TRAPPC6A: variants seen among roughly 807,000 people sequenced by gnomAD.
TRAPPC6A encodes trafficking protein particle complex subunit 6A.
A neutral mutation model predicts 20.8 loss-of-function variants in TRAPPC6A; 25 were observed. The ratio of observed to expected loss-of-function variants is 1.20; its 90% CI spans 0.88 to 1.68. TRAPPC6A has a LOEUF of 1.68. Among genes scored for constraint, TRAPPC6A ranks in the 40% most tolerant of loss-of-function variants. The pLI is 0.00. For missense variants in TRAPPC6A, 215 were observed against 211.6 expected (o/e 1.02, Z -0.10); for synonymous variants, 96 against 93.3 (o/e 1.03, Z -0.16).
rs968800464 is a variant in TRAPPC6A, at chr19:45,164,759, G to A, written c.270+94C>T. The A allele has an allele frequency of 8.2e-5, 100 of 1,218,476 alleles. 1 individual carries two copies. The highest frequency in any genetic ancestry group is 2.9e-4 in the Admixed American group (17 of 58,732). The allele number at this position is 1,218,476 out of a possible 1,614,324, so 75.5% of individuals were successfully genotyped here. ...TGTGGGAAAGCTCTGGGCGGGTCCC[G>A]GCAGCCGCTGCTCTGGCGCCGGGGG... On this transcript the variant is annotated intron_variant, in intron 3 of 5. Transcript: ENST00000585934.
intron 1 of TRAPPC6A, among the ~76,000 whole-genome samples, chr19:45,169,132 C>G (rs1256303621): frequency 6.6e-6 from 1 of 152,154 alleles, no homozygotes; most frequent in Non-Finnish European, 1.5e-5. Context: ...GTGTGAGAGA[C>G]AGAGTGGGAA....
chr19:45,163,275 G>C lies in TRAPPC6A; in HGVS notation c.449-52C>G. On this transcript the variant is annotated intron_variant, in intron 5 of 5. Transcript: ENST00000585934. The surrounding 1 kb of genome is among the most constrained non-coding windows in gnomAD (Gnocchi z 5.3). ...TGAGGATGGGATGGGGGAGGCAGAG[G>C]GCACCTGGACGGCTCTTAGGCGCTC... 2 of 1,606,192 alleles carry C rather than the reference G, an allele frequency of 1.2e-6. No homozygotes were observed. The highest frequency in any genetic ancestry group is 1.7e-6 in the Non-Finnish European group (2 of 1,173,894).
Position 45,162,946 on chromosome 19 carries a change from G to C in TRAPPC6A, c.*246C>G. ...CTCTGAGTCAGATTCCACACACACAGCCTTTATTGAGCAGCTACTGGGCAG... is the reference window on the plus strand; with the variant it reads ...CTCTGAGTCAGATTCCACACACACACCCTTTATTGAGCAGCTACTGGGCAG... On this transcript the variant is annotated 3_prime_UTR_variant, in exon 6 of 6. Transcript: ENST00000585934. 2.5e-6 allele frequency: 1 copy of C among 406,044 alleles called. No homozygotes were observed. The highest frequency in any genetic ancestry group is 5.9e-5 in the South Asian group (1 of 17,090). The allele number at this position is 406,044 out of a possible 1,614,324, so 25.2% of individuals were successfully genotyped here.
intron 1 of TRAPPC6A, among the ~76,000 whole-genome samples, chr19:45,166,982 G>A (rs928903487): frequency 6.6e-6 from 1 of 152,098 alleles, no homozygotes; most frequent in African/African-American, 2.4e-5. Flanking sequence ...CCTCTCCTCT[G>A]CCCCCTGAGG....
intron 1 of TRAPPC6A, among the ~76,000 whole-genome samples, chr19:45,177,191 GCACACACACACACA>G (rs57127361): frequency 6.8e-6 from 1 of 147,890 alleles, no homozygotes; most frequent in Admixed American, 6.8e-5. Context: ...GCGCGTGCGC[GCACACACACACACA>G]CACACACACA....
rs193181591 is a variant in TRAPPC6A at position 45,163,023 on chromosome 19, C to T, written c.*169G>A. 1.1e-4 allele frequency: 79 copies of T among 687,926 alleles called. No homozygotes were observed. The African/African-American group carries it at 1.4e-3, about 12-fold the overall frequency. 42.6% of individuals were successfully genotyped at this position (687,926 alleles called of 1,614,324 possible). On this transcript the variant is annotated 3_prime_UTR_variant, in exon 6 of 6. Coordinates refer to ENST00000585934, the MANE Select transcript of TRAPPC6A (RefSeq NM_001270891.2). This position sits in a 1 kb window ranked among gnomAD's most constrained non-coding sequence, Gnocchi z 5.3. The stretch of plus-strand genomic sequence containing the variant: ...CACAGTCCTGACCGCAGCTGGGACC[C>T]CTTTGCCTCCTCTGACACCCCCACC...
chr19:45,167,753 G>A (rs1373364409), intron 1 of TRAPPC6A, among the ~76,000 whole-genome samples: 2 of 152,250 alleles, frequency 1.3e-5, no homozygotes, highest in African/African-American at 4.8e-5. Flanking sequence ...AAAGTGCTGG[G>A]ATTACAGGCG....
Position 45,163,854 on chromosome 19 carries a change from G to T in TRAPPC6A, c.448+62C>A. 1 of 1,430,172 alleles carries T rather than the reference G, an allele frequency of 7.0e-7. No individual in the cohort carries two copies. The highest frequency in any genetic ancestry group is 9.6e-7 in the Non-Finnish European group (1 of 1,040,642). 88.6% of individuals were successfully genotyped at this position (1,430,172 alleles called of 1,614,324 possible). ...AGGCACACACACAGGAGTGGGGCTG[G>T]AACTCTGAAGCCCCCAGCAACTCAA... On this transcript the variant is annotated intron_variant, in intron 5 of 5. Transcript: ENST00000585934. This position sits in a 1 kb window ranked among gnomAD's most constrained non-coding sequence, Gnocchi z 5.3.
intron 3 of TRAPPC6A, 87 bp downstream of exon 3, chr19:45,164,766 G>C (rs1416514344): frequency 7.7e-7 from 1 of 1,300,134 alleles, no homozygotes; most frequent in African/African-American, 1.5e-5. Context: ...CCCGGCAGCC[G>C]CTGCTCTGGC....
rs1178284940 is a variant in TRAPPC6A at position 45,164,882 on chromosome 19, G to C, written c.241C>G (p.Gln81Glu). The C allele has an allele frequency of 4.3e-6, 7 of 1,613,974 alleles. No homozygotes were observed. The highest frequency in any genetic ancestry group is 5.9e-6 in the Non-Finnish European group (7 of 1,179,990). The change falls in exon 3 of 6, where the codon CAG becomes GAG. Residue 81 changes from glutamine to glutamate, a missense_variant. Physicochemically the swap from Gln to Glu is conservative, Grantham distance 29 (BLOSUM62 2). Coordinates refer to ENST00000585934, the MANE Select transcript of TRAPPC6A (RefSeq NM_001270891.2). ...KDLWVAVFQK[Q>E]MDSLRTNHQG... ...TGATTGGTGCGCAGGCTGTCCATCTGCTTCTGGAACACCGCCACCCACAGG... is the reference window on the plus strand; with the variant it reads ...TGATTGGTGCGCAGGCTGTCCATCTCCTTCTGGAACACCGCCACCCACAGG...
chr19:45,176,262 G>A (rs1969371314), intron 1 of TRAPPC6A, among the ~76,000 whole-genome samples: 1 of 151,010 alleles, frequency 6.6e-6, no homozygotes, highest in Admixed American at 6.6e-5. Flanking sequence ...AACCATCCTG[G>A]CTAACATGGT....
intron 1 of TRAPPC6A, among the ~76,000 whole-genome samples, chr19:45,177,111 G>A (rs1358302501): frequency 6.6e-6 from 1 of 152,198 alleles, no homozygotes; most frequent in African/African-American, 2.4e-5. Flanking sequence ...CTTGAGCCCA[G>A]GAGGTCGAGG....
At position 45,163,182 on chromosome 19, in the gene TRAPPC6A, C is replaced by G. The variant is rs114585414; in HGVS notation, c.*10G>C. 2.6e-5 allele frequency: 42 copies of G among 1,613,700 alleles called. No homozygotes were observed. The highest frequency in any genetic ancestry group is 3.3e-4 in the Middle Eastern group (2 of 6,078). On this transcript the variant is annotated 3_prime_UTR_variant, in exon 6 of 6. Coordinates refer to ENST00000585934, the MANE Select transcript of TRAPPC6A (RefSeq NM_001270891.2). This position sits in a 1 kb window ranked among gnomAD's most constrained non-coding sequence, Gnocchi z 5.3. ...GGGCAGCAGTGCGGCTCAGCAGGTGCGAGGCAGGCTTAGGATTTCGGAATC... is the reference window on the plus strand; with the variant it reads ...GGGCAGCAGTGCGGCTCAGCAGGTGGGAGGCAGGCTTAGGATTTCGGAATC...
rs1300569370 is a variant in TRAPPC6A, at chr19:45,172,661, G to GC, written c.84+5473dup. 1.3e-5 allele frequency among the ~76,000 whole-genome samples: 2 copies of GC among 151,656 alleles called. No individual in the cohort carries two copies. The highest frequency in any genetic ancestry group is 4.9e-5 in the African/African-American group (2 of 40,962). ...TCCCTGGTCCAGCAAGGCATCCTGA[G>GC]CAAGTCCAGATCCTGCCTCTGCCCA... On this transcript the variant is annotated intron_variant, in intron 1 of 5. Coordinates refer to ENST00000585934, the MANE Select transcript of TRAPPC6A (RefSeq NM_001270891.2). This position sits in a 1 kb window ranked among gnomAD's most constrained non-coding sequence, Gnocchi z 4.2.
chr19:45,163,175 G>C lies in TRAPPC6A; in HGVS notation c.*17C>G. The C allele has an allele frequency of 6.2e-7, 1 of 1,613,878 alleles. No individual in the cohort carries two copies. Among genetic ancestry groups the C allele is most frequent in the Non-Finnish European group, 8.5e-7 (1 of 1,179,832 alleles). ...AGGCCAGGGGCAGCAGTGCGGCTCA[G>C]CAGGTGCGAGGCAGGCTTAGGATTT... On this transcript the variant is annotated 3_prime_UTR_variant, in exon 6 of 6. Coordinates refer to ENST00000585934, the MANE Select transcript of TRAPPC6A (RefSeq NM_001270891.2). The surrounding 1 kb of genome is among the most constrained non-coding windows in gnomAD (Gnocchi z 5.3).
Position 45,173,774 on chromosome 19 carries a change from C to T in TRAPPC6A, c.84+4361G>A, listed in dbSNP as rs113722475. Among the ~76,000 whole-genome samples, 10 of 152,192 alleles carry T rather than the reference C, an allele frequency of 6.6e-5. No individual in the cohort carries two copies. Among genetic ancestry groups the T allele is most frequent in the Non-Finnish European group, 1.5e-4 (10 of 68,030 alleles). On this transcript the variant is annotated intron_variant, in intron 1 of 5. Transcript: ENST00000585934. The surrounding 1 kb of genome is among the most constrained non-coding windows in gnomAD (Gnocchi z 4.8). ...ATGACAGGCCCCCTGAAAAACGGGGCTCCCCAGGAGGAAGGAGTGAGGGGA... is the reference window on the plus strand; with the variant it reads ...ATGACAGGCCCCCTGAAAAACGGGGTTCCCCAGGAGGAAGGAGTGAGGGGA...
intron 1 of TRAPPC6A, among the ~76,000 whole-genome samples, chr19:45,176,680 G>A (rs1287920805): frequency 6.6e-6 from 1 of 151,718 alleles, no homozygotes; most frequent in Non-Finnish European, 1.5e-5. Context: ...ATATCGAGAT[G>A]GTAACAAGCA....
chr19:45,167,630 G>A (rs558045272), intron 1 of TRAPPC6A, among the ~76,000 whole-genome samples: 2 of 152,234 alleles, frequency 1.3e-5, no homozygotes, highest in East Asian at 1.9e-4. Flanking sequence ...TTACAGGCAT[G>A]AGCCACCACG....
At chr19:45,175,536 TG>T (rs906880383) in intron 1 of TRAPPC6A, among the ~76,000 whole-genome samples, 11 of 151,888 alleles carry the variant, frequency 7.2e-5, no homozygotes, top group African/African-American at 2.2e-4. Flanking sequence ...CAAATTTGAC[TG>T]GGGGCTCAGG....
Sources: allele counts gnomAD v4.1 joint callset (sites outside exome capture counted in the v4.1 genomes callset), GRCh38; gene constraint gnomAD v4.1.1; non-coding constraint Gnocchi (gnomAD v3.1); transcripts MANE v1.5; gene names NCBI Gene and HGNC (gene_info 2026-07-23, HGNC 2026-07-21).